FRMPD4: variants seen among roughly 807,000 people sequenced by gnomAD.
FRMPD4 encodes the protein FERM and PDZ domain-containing protein 4.
FRMPD4 carries 22 observed loss-of-function variants against 94.1 expected under a neutral mutation model. That is an observed-to-expected ratio of 0.23 (90% CI 0.17 to 0.33). The LOEUF is 0.33. Among genes scored for constraint, FRMPD4 ranks in the 10% least tolerant of loss-of-function variants. FRMPD4 has a pLI of 1.00. For missense variants in FRMPD4, 1,111 were observed against 1,339.9 expected, an observed-to-expected ratio of 0.83 and a Z score of 2.67; for synonymous variants, 631 against 548.6, an observed-to-expected ratio of 1.15 and a Z score of -2.10.
At chrX:12,319,991 T>G (rs1257087057) in intron 1 of FRMPD4, among the ~76,000 whole-genome samples, 1 of 112,144 alleles carries the variant, frequency 8.9e-6, no homozygotes, top group Non-Finnish European at 1.9e-5. Context: ...ATAATCCTAT[T>G]TCTGAAAACC....
chrX:12,713,920 T>G (rs979699683), intron 14 of FRMPD4, among the ~76,000 whole-genome samples: 1 of 112,035 alleles, frequency 8.9e-6, no homozygotes, highest in Non-Finnish European at 1.9e-5. Context: ...CTTCTCTATC[T>G]TGAAAATTAG....
chrX:12,277,826 A>G (rs4073741), intron 1 of FRMPD4, among the ~76,000 whole-genome samples: 40,928 of 110,902 alleles, frequency 0.37, 6,151 homozygotes, highest in African/African-American at 0.55. Flanking sequence ...CTCTATTTGG[A>G]CTGGTTTCAT....
At chrX:12,146,092 G>A (rs756606046) in intron 1 of FRMPD4, among the ~76,000 whole-genome samples, 3 of 108,147 alleles carry the variant, frequency 2.8e-5, no homozygotes, top group African/African-American at 9.9e-5. Context: ...GGCTGGGCGC[G>A]GTGGCTCACG....
intron 3 of FRMPD4, among the ~76,000 whole-genome samples, chrX:11,985,709 G>A (rs191684381): frequency 9.0e-4 from 100 of 111,344 alleles, no homozygotes; most frequent in Non-Finnish European, 1.7e-3. Flanking sequence ...ACTACAGACT[G>A]ACTGAAGAGC....
chrX:12,218,940 G>A (rs1162645971), intron 1 of FRMPD4, among the ~76,000 whole-genome samples: 3 of 112,415 alleles, frequency 2.7e-5, no homozygotes, highest in African/African-American at 9.7e-5. Context: ...ATAGGTTCTA[G>A]GCCAACTCTT....
intron 4 of FRMPD4, among the ~76,000 whole-genome samples, chrX:12,621,966 A>AAGAGAAAGAAAG (rs2059294756): frequency 4.8e-5 from 3 of 63,144 alleles, no homozygotes; most frequent in African/African-American, 2.1e-4. Flanking sequence ...GAAAGAAAGA[A>AAGAGAAAGAAAG]AGAGAAAGAA....
intron 2 of FRMPD4, among the ~76,000 whole-genome samples, chrX:12,571,987 G>A (rs2148362683): frequency 8.9e-6 from 1 of 112,064 alleles, no homozygotes; most frequent in Non-Finnish European, 1.9e-5. Flanking sequence ...AAGATTAATT[G>A]GGTTTTCACT....
intron 9 of FRMPD4, among the ~76,000 whole-genome samples, chrX:12,696,293 C>G (rs1182810896): frequency 2.7e-5 from 3 of 111,586 alleles, no homozygotes; most frequent in Non-Finnish European, 5.6e-5. Context: ...TGATTCTGAG[C>G]TATAATTCCC....
chrX:12,047,697 G>A (rs1273611708), intron 3 of FRMPD4, among the ~76,000 whole-genome samples: 2 of 111,410 alleles, frequency 1.8e-5, no homozygotes, highest in African/African-American at 3.3e-5. Flanking sequence ...CCATCTTTAT[G>A]TTCATGTGTA....
At chrX:12,425,759 A>G (rs1882833652) in intron 1 of FRMPD4, among the ~76,000 whole-genome samples, 1 of 112,178 alleles carries the variant, frequency 8.9e-6, no homozygotes, top group African/African-American at 3.2e-5. Context: ...GAAGGTCTTG[A>G]GAAACCTTGA....
chrX:12,633,402 G>A (rs775745629), intron 4 of FRMPD4, among the ~76,000 whole-genome samples: 1 of 111,554 alleles, frequency 9.0e-6, no homozygotes, highest in African/African-American at 3.3e-5. Context: ...TAGACAATGT[G>A]TGGGCCAGTC....
chrX:12,106,931 C>T, intron 3 of FRMPD4, among the ~76,000 whole-genome samples: 1 of 112,157 alleles, frequency 8.9e-6, no homozygotes, highest in East Asian at 2.8e-4. Context: ...CCCACCGCAG[C>T]TCAAGGAGGT....
At chrX:11,967,913 T>A (rs1483604497) in intron 3 of FRMPD4, among the ~76,000 whole-genome samples, 3 of 110,171 alleles carry the variant, frequency 2.7e-5, no homozygotes, top group Non-Finnish European at 5.7e-5. Context: ...GACCAGTATC[T>A]AGAATTTTGT....
chrX:12,541,362 A>G (rs759751206), intron 2 of FRMPD4, among the ~76,000 whole-genome samples: 36 of 111,556 alleles, frequency 3.2e-4, no homozygotes, highest in African/African-American at 1.2e-3. Flanking sequence ...TAAAGAAGAA[A>G]AGAGAGAAGA....
At chrX:12,059,893 T>C (rs1050998646) in intron 3 of FRMPD4, among the ~76,000 whole-genome samples, 1 of 13,779 alleles carries the variant, frequency 7.3e-5, no homozygotes, top group African/African-American at 3.1e-4. Flanking sequence ...ATGTCTGCTA[T>C]TGTGAATAGC....
intron 7 of FRMPD4, among the ~76,000 whole-genome samples, chrX:12,688,430 G>A (rs2060049458): frequency 8.9e-6 from 1 of 112,286 alleles, no homozygotes; most frequent in Non-Finnish European, 1.9e-5. Context: ...TGAGAAGACA[G>A]GAAGAAATGC....
intron 1 of FRMPD4, among the ~76,000 whole-genome samples, chrX:12,285,502 CAT>C (rs1350772456): frequency 1.8e-5 from 2 of 110,806 alleles, no homozygotes; most frequent in African/African-American, 6.6e-5. Flanking sequence ...TGAGCAAACA[CAT>C]AGAAATATTC....
intron 3 of FRMPD4, among the ~76,000 whole-genome samples, chrX:12,117,690 G>A (rs190963677): frequency 2.7e-5 from 3 of 112,140 alleles, no homozygotes; most frequent in African/African-American, 6.5e-5. Context: ...ATGGTCCAGC[G>A]TGTTCCCTCA....
chrX:11,901,139 G>T (rs1441073352), intron 3 of FRMPD4, among the ~76,000 whole-genome samples: 5 of 111,639 alleles, frequency 4.5e-5, no homozygotes, highest in Non-Finnish European at 9.4e-5. Flanking sequence ...GGTACAGGTG[G>T]TTTTTTGTTA....
Sources: gnomAD v4.1 joint callset for allele counts (sites outside exome capture counted in the v4.1 genomes callset) on GRCh38, gnomAD v4.1.1 for gene constraint, MANE v1.5 for transcripts, NCBI Gene and HGNC (gene_info 2026-07-23, HGNC 2026-07-21) for gene names.